Variants in WNT5A observed in about 807,000 individuals in gnomAD.
WNT5A encodes the protein Wnt family member 5A, also known as protein Wnt-5a.
In WNT5A, 9 loss-of-function variants were observed where a neutral mutation model predicts 42.1. The observed-to-expected ratio is 0.21, with a 90% CI of 0.13 to 0.37. The LOEUF (loss-of-function observed/expected upper bound fraction) is 0.37, where lower values mean the gene tolerates loss of function less well. WNT5A is among the 10% of genes least tolerant of loss of function. The probability of loss-of-function intolerance (pLI) is 1.00; values close to 1 mark genes in which losing one functional copy is unlikely to be tolerated. For synonymous variants in WNT5A, 210 were observed against 210.0 expected (o/e 1.00, Z 0.00); for missense variants, 426 against 534.0 (o/e 0.80, Z 1.99).
At chr3:55,477,524 C>T (rs2051379296) in intron 3 of WNT5A, among the ~76,000 whole-genome samples, 1 of 152,096 alleles carries the variant, frequency 6.6e-6, no homozygotes, top group African/African-American at 2.4e-5. Flanking sequence ...GTACCACTCC[C>T]ATCCACTTCC....
Position 55,474,399 on chromosome 3 carries a change from T to C in WNT5A, c.622A>G (p.Lys208Glu), listed in dbSNP as rs777155530. The change falls in exon 4 of 5, where the codon AAG (lysine) becomes GAG (glutamate). Residue 208 changes from lysine (K) to glutamate (E), a missense_variant. This residue lies in a region of WNT5A where 358 missense variants were observed against 468.1 expected (regional missense o/e 0.76). Transcript: ENST00000264634. ...DARERERIHA[K>E]GSYESARILM... ...ATGCGAGCACTCTCGTAGGAGCCCT[T>C]GGCGTGGATGCGCTCCCGCTCGCGG... is the stretch of plus-strand genomic sequence containing the variant. 5.0e-6 allele frequency: 8 copies of C among 1,612,502 alleles called. No individual in the cohort carries two copies. Among genetic ancestry groups the C allele is most frequent in the Non-Finnish European group, 5.9e-6 (7 of 1,179,740 alleles).
Position 55,468,018 on chromosome 3 carries a change from A to G in WNT5A, c.*2074T>C, listed in dbSNP as rs1346097278. Reference sequence around the variant, plus strand: ...AAGAGCCACAGTTGGCTGAGGTGATATGAAAGCCAACCTGCCTAAGGGGGG... The same window carrying G: ...AAGAGCCACAGTTGGCTGAGGTGATGTGAAAGCCAACCTGCCTAAGGGGGG... On this transcript the variant is annotated 3_prime_UTR_variant, in exon 5 of 5. Coordinates refer to ENST00000264634, the MANE Select transcript of WNT5A (RefSeq NM_003392.7). 1 of 152,122 alleles carries G rather than the reference A, an allele frequency of 6.6e-6. No individual in the cohort carries two copies. The highest frequency in any genetic ancestry group is 2.4e-5 in the African/African-American group (1 of 41,440). The allele number at this position is 152,122 out of a possible 1,614,324, so 9.4% of individuals were successfully genotyped here. A position where few individuals can be genotyped will look rare whatever the true frequency, so the allele number is the denominator to read the frequency against.
chr3:55,470,385 A>G lies in WNT5A; in HGVS notation c.850T>C (p.Leu284=), dbSNP rs375403509. ...AAMRLNSRGK[L]VQVNSRFNSP... ...TTGAAGCGGCTGTTGACCTGTACCA[A>G]CTTGCCCCGGCTGTTGAGCCGCATG... is the stretch of plus-strand genomic sequence containing the variant. The change falls in exon 5 of 5, where the codon TTG becomes CTG. Residue 284 remains leucine, a synonymous_variant. Transcript: ENST00000264634. The G allele has an allele frequency of 1.2e-4, 198 of 1,613,906 alleles. No individual in the cohort carries two copies. The African/African-American group carries it at 2.3e-3, about 19-fold the overall frequency.
intron 1 of WNT5A, chr3:55,481,460 GCA>G: frequency 1.8e-6 from 1 of 550,104 alleles, no homozygotes; most frequent in Non-Finnish European, 2.3e-6. Context: ...GAGGATGGGG[GCA>G]GGACGCGGGA....
At chr3:55,472,658 A>T (rs1455144245) in intron 4 of WNT5A, among the ~76,000 whole-genome samples, 3 of 152,122 alleles carry the variant, frequency 2.0e-5, no homozygotes. Flanking sequence ...TGTGGCAATT[A>T]TTTGACCCCT....
At chr3:55,486,456 C>CG (rs1369855724) in intron 1 of WNT5A, among the ~76,000 whole-genome samples, 3 of 152,132 alleles carry the variant, frequency 2.0e-5, no homozygotes, top group South Asian at 2.1e-4. Context: ...TCCGTCGGTG[C>CG]GGGGGGGTGT....
intron 2 of WNT5A, among the ~76,000 whole-genome samples, chr3:55,479,920 C>T (rs2051426560): frequency 6.6e-6 from 1 of 152,112 alleles, no homozygotes; most frequent in Non-Finnish European, 1.5e-5. Context: ...ACCCACTTTG[C>T]CCCACAAATT....
upstream of WNT5A, among the ~76,000 whole-genome samples, chr3:55,495,385 C>T (rs376922312): frequency 1.6e-4 from 25 of 152,324 alleles, no homozygotes; most frequent in African/African-American, 6.0e-4. Context: ...CTACTCTTGG[C>T]TTCTGTAAGT....
At chr3:55,498,676 C>G in the WNT5A span, among the ~76,000 whole-genome samples, 2 of 152,160 alleles carry the variant, frequency 1.3e-5, no homozygotes, top group Non-Finnish European at 2.9e-5. Context: ...GTGGGGCTAG[C>G]TCCACCCCCT....
the WNT5A span, among the ~76,000 whole-genome samples, chr3:55,501,259 A>T: frequency 5.9e-5 from 9 of 152,238 alleles, no homozygotes; most frequent in Non-Finnish European, 1.2e-4. Flanking sequence ...AGATTTCTGC[A>T]GCTGCATCGA....
chr3:55,484,186 T>C (rs1227596641), intron 1 of WNT5A, among the ~76,000 whole-genome samples: 1 of 152,028 alleles, frequency 6.6e-6, no homozygotes, highest in African/African-American at 2.4e-5. Flanking sequence ...GAATCTCCAC[T>C]CTTGGTGGAA....
upstream of WNT5A, among the ~76,000 whole-genome samples, chr3:55,492,708 A>G (rs946419980): frequency 6.6e-6 from 1 of 152,224 alleles, no homozygotes; most frequent in Non-Finnish European, 1.5e-5. Flanking sequence ...AATCATAATA[A>G]TTGCTGGCAA....
At position 55,469,678 on chromosome 3, in the gene WNT5A, A is replaced by C. The variant is rs1034999902; in HGVS notation, c.*414T>G. The C allele has an allele frequency of 1.9e-5, 3 of 158,634 alleles. No homozygotes were observed. The highest frequency in any genetic ancestry group is 7.2e-5 in the African/African-American group (3 of 41,508). 9.8% of individuals were successfully genotyped at this position (158,634 alleles called of 1,614,324 possible). A position where few individuals can be genotyped will look rare whatever the true frequency, so the allele number is the denominator to read the frequency against. ...TGGTCATAGAAGCTGAATTGTGAAT[A>C]GATTTCTACCACCCTCTTTCAACTG... On this transcript the variant is annotated 3_prime_UTR_variant, in exon 5 of 5. Coordinates refer to ENST00000264634, the MANE Select transcript of WNT5A (RefSeq NM_003392.7).
rs745903896 is a variant in WNT5A at position 55,466,967 on chromosome 3, A to C, written c.*3125T>G. The C allele has an allele frequency of 2.0e-5, 3 of 152,286 alleles. No homozygotes were observed. Among genetic ancestry groups the C allele is most frequent in the African/African-American group, 4.8e-5 (2 of 41,458 alleles). The allele number at this position is 152,286 out of a possible 1,614,324, so 9.4% of individuals were successfully genotyped here. A position where few individuals can be genotyped will look rare whatever the true frequency, so the allele number is the denominator to read the frequency against. ...AGAAAAAGCAAAGGCTAATGTATCA[A>C]TCTGTGGAGCACTGTCCAGATTTCC... On this transcript the variant is annotated 3_prime_UTR_variant, in exon 5 of 5. Transcript: ENST00000264634.
the WNT5A span, among the ~76,000 whole-genome samples, chr3:55,504,824 A>G: frequency 6.6e-6 from 1 of 152,360 alleles, no homozygotes; most frequent in African/African-American, 2.4e-5. Context: ...AATTGTAAGT[A>G]TATCACTTGA....
intron 1 of WNT5A, among the ~76,000 whole-genome samples, chr3:55,484,786 T>C (rs1199211543): frequency 6.6e-6 from 1 of 152,036 alleles, no homozygotes; most frequent in East Asian, 1.9e-4. Context: ...AGGATCAACT[T>C]TGTCCAGAGG....
Position 55,470,038 on chromosome 3 carries a change from C to T in WNT5A, c.*54G>A. 6.2e-7 allele frequency: 1 copy of T among 1,607,544 alleles called. No homozygotes were observed. The highest frequency in any genetic ancestry group is 8.5e-7 in the Non-Finnish European group (1 of 1,174,552). On this transcript the variant is annotated 3_prime_UTR_variant, in exon 5 of 5. Transcript: ENST00000264634. ...AAAACCAAAAACCAGAATCACTGTA[C>T]TTTCTATAAATAAGCGGGTCCTGGG...
chr3:55,498,317 A>T, the WNT5A span, among the ~76,000 whole-genome samples: 1 of 152,126 alleles, frequency 6.6e-6, no homozygotes, highest in Non-Finnish European at 1.5e-5. Context: ...TAGATTATCT[A>T]CTATGTATGT....
At chr3:55,501,882 C>T in the WNT5A span, 1 of 152,184 alleles carries the variant, frequency 6.6e-6, no homozygotes, top group Non-Finnish European at 1.5e-5. Flanking sequence ...TTTCTGTCCA[C>T]CTGAGTCTTT....
Sources: gnomAD v4.1 joint callset for allele counts (sites outside exome capture counted in the v4.1 genomes callset) on GRCh38, gnomAD v4.1.1 for gene constraint, gnomAD v4.1.1 regional missense constraint, MANE v1.5 for transcripts, NCBI Gene and HGNC (gene_info 2026-07-23, HGNC 2026-07-21) for gene names.